ATXN8OS: variants seen among roughly 807,000 people sequenced by gnomAD.
ATXN8OS encodes ATXN8 opposite strand (non-protein coding).
At chr13:70,145,651 TTGTC>T (rs1270596492) in intron 3 of ATXN8OS, among the ~76,000 whole-genome samples, 2 of 152,240 alleles carry the variant, frequency 1.3e-5, no homozygotes, top group Middle Eastern at 3.4e-3. Flanking sequence ...GGCTCTCTGT[TTGTC>T]TGTTATTGTT....
At chr13:70,136,611 A>T (rs1386485776) in intron 3 of ATXN8OS, among the ~76,000 whole-genome samples, 1 of 152,104 alleles carries the variant, frequency 6.6e-6, no homozygotes, top group Non-Finnish European at 1.5e-5. Flanking sequence ...CAAGACCGCT[A>T]GCAGGAGAAC....
chr13:70,141,230 G>A (rs9529683), intron 3 of ATXN8OS, among the ~76,000 whole-genome samples: 28,435 of 151,760 alleles, frequency 0.19, 3,269 homozygotes, highest in South Asian at 0.38. Context: ...TACCTCTTTC[G>A]TCATCGATAT....
Position 70,131,110 on chromosome 13 carries a change from C to T in ATXN8OS, n.499+1226C>T, listed in dbSNP as rs80300763. ...ACATTCTTCCCTGCTCTTCCCAATA[C>T]ATGTGTAAGAATATCCAAGGGCACA... On this transcript the variant is annotated intron_variant and non_coding_transcript_variant, in intron 3 of 4. Transcript: ENST00000678624. The T allele has an allele frequency of 1.6e-4, 64 of 398,464 alleles. No individual in the cohort carries two copies. The East Asian group carries it at 2.1e-3, about 13-fold the overall frequency. 24.7% of individuals were successfully genotyped at this position (398,464 alleles called of 1,614,324 possible).
At chr13:70,129,018 G>A (rs1812446) in intron 2 of ATXN8OS, among the ~76,000 whole-genome samples, 34,794 of 151,844 alleles carry the variant, frequency 0.23, 4,179 homozygotes, top group Admixed American at 0.29. Context: ...GCACCACCAC[G>A]CCCAGCTAAT....
intron 2 of ATXN8OS, among the ~76,000 whole-genome samples, chr13:70,121,525 T>C (rs1207566923): frequency 6.6e-6 from 1 of 151,998 alleles, no homozygotes; most frequent in African/African-American, 2.4e-5. Context: ...CCGGAAATAT[T>C]TTTTTTCTCC....
At chr13:70,166,298 G>C (rs1417347065) in intron 4 of ATXN8OS, among the ~76,000 whole-genome samples, 1 of 151,972 alleles carries the variant, frequency 6.6e-6, no homozygotes, top group African/African-American at 2.4e-5. Flanking sequence ...AAACAGCATG[G>C]TACTGGTACC....
At chr13:70,141,415 A>T (rs1406281395) in intron 3 of ATXN8OS, among the ~76,000 whole-genome samples, 1 of 152,238 alleles carries the variant, frequency 6.6e-6, no homozygotes, top group Admixed American at 6.5e-5. Flanking sequence ...TGGCATAATG[A>T]AAGTATTTAT....
intron 4 of ATXN8OS, among the ~76,000 whole-genome samples, chr13:70,161,428 T>A (rs1889007810): frequency 6.6e-6 from 1 of 152,090 alleles, no homozygotes; most frequent in Non-Finnish European, 1.5e-5. Flanking sequence ...GCTTTTTTGT[T>A]TTTCTCTTTG....
At chr13:70,115,370 AG>A in intron 2 of ATXN8OS, 2 of 397,246 alleles carry the variant, frequency 5.0e-6, no homozygotes, top group Non-Finnish European at 8.9e-6. Flanking sequence ...ACCTCCCAAA[AG>A]GCTCACTTCC....
At chr13:70,167,739 T>TCTC (rs1555302458) in intron 4 of ATXN8OS, among the ~76,000 whole-genome samples, 4 of 111,316 alleles carry the variant, frequency 3.6e-5, no homozygotes, top group African/African-American at 6.5e-5. Flanking sequence ...TTTTTTTTTT[T>TCTC]TTTTTTTTTT....
intron 4 of ATXN8OS, among the ~76,000 whole-genome samples, chr13:70,155,032 AAAGTC>A (rs1888918973): frequency 6.6e-6 from 1 of 152,306 alleles, no homozygotes; most frequent in South Asian, 2.1e-4. Context: ...AGTGTGTATA[AAAGTC>A]AAGTACTGTC....
chr13:70,166,234 C>T (rs1889073766), intron 4 of ATXN8OS, among the ~76,000 whole-genome samples: 1 of 151,932 alleles, frequency 6.6e-6, no homozygotes, highest in African/African-American at 2.4e-5. Context: ...AAGAACAAAC[C>T]AGGAGGCATC....
intron 2 of ATXN8OS, among the ~76,000 whole-genome samples, chr13:70,125,923 G>C (rs544546819): frequency 1.3e-5 from 2 of 152,210 alleles, no homozygotes; most frequent in African/African-American, 4.8e-5. Context: ...GGAGGGCAGA[G>C]GGACAGGGGT....
chr13:70,166,835 C>T (rs1411642294), intron 4 of ATXN8OS, among the ~76,000 whole-genome samples: 2 of 151,770 alleles, frequency 1.3e-5, no homozygotes, highest in East Asian at 3.9e-4. Flanking sequence ...ATAAAACAAC[C>T]CCATCAAAAA....
intron 3 of ATXN8OS, chr13:70,139,418 T>TGCC: frequency 1.3e-6 from 1 of 777,150 alleles, no homozygotes; most frequent in Non-Finnish European, 2.1e-6. Context: ...CTGCTGCTGC[T>TGCC]GCTGCTGCTG....
intron 3 of ATXN8OS, among the ~76,000 whole-genome samples, chr13:70,140,951 T>C (rs1888706117): frequency 6.6e-6 from 1 of 152,130 alleles, no homozygotes; most frequent in South Asian, 2.1e-4. Context: ...CTCCTGTATG[T>C]GTTGGGATTA....
chr13:70,151,112 G>T (rs1402280227), intron 4 of ATXN8OS, among the ~76,000 whole-genome samples: 1 of 151,994 alleles, frequency 6.6e-6, no homozygotes, highest in African/African-American at 2.4e-5. Context: ...CCAAACACTT[G>T]CTTGGGCTTG....
chr13:70,157,795 ATCT>A (rs1427441168), intron 4 of ATXN8OS, among the ~76,000 whole-genome samples: 2 of 152,296 alleles, frequency 1.3e-5, no homozygotes, highest in East Asian at 1.9e-4. Flanking sequence ...TTAATCTTTG[ATCT>A]TCTGCATGGA....
intron 4 of ATXN8OS, among the ~76,000 whole-genome samples, chr13:70,162,327 A>T (rs1889018891): frequency 6.6e-6 from 1 of 152,146 alleles, no homozygotes; most frequent in African/African-American, 2.4e-5. Context: ...GGGCTCTGTC[A>T]TCACTCCTAG....
Sources: gnomAD v4.1 joint callset for allele counts (sites outside exome capture counted in the v4.1 genomes callset) on GRCh38, gnomAD v4.1.1 for gene constraint, MANE v1.5 for transcripts, NCBI Gene and HGNC (gene_info 2026-07-23, HGNC 2026-07-21) for gene names.